Variants in CCN5 observed in about 807,000 individuals in gnomAD.
CCN5 encodes CCN family member 5.
Under a neutral mutation model 18.7 loss-of-function variants are expected in CCN5, and 17 were observed. The observed-to-expected ratio is 0.91, with a 90% CI of 0.62 to 1.36. The LOEUF (loss-of-function observed/expected upper bound fraction) is 1.36. CCN5 is among the 40% of genes most tolerant of loss of function. The probability of loss-of-function intolerance (pLI) is 0.00; values close to 1 mark genes in which losing one functional copy is unlikely to be tolerated. For synonymous variants in CCN5, 135 were observed against 145.2 expected (o/e 0.93, Z 0.50); for missense variants, 367 against 342.9 (o/e 1.07, Z -0.56).
At chr20:44,715,823 G>C (rs1412688158) in intron 1 of CCN5, among the ~76,000 whole-genome samples, 5 of 152,200 alleles carry the variant, frequency 3.3e-5, no homozygotes, top group Admixed American at 1.3e-4. Flanking sequence ...TGACATGCTT[G>C]GCCTAACTCT....
At chr20:44,715,586 C>A in intron 1 of CCN5, 136 bp downstream of exon 1, 5 of 951,852 alleles carry the variant, frequency 5.3e-6, no homozygotes, top group South Asian at 1.5e-5. Flanking sequence ...GGCCCCCATG[C>A]CTAAGCAGGG....
At chr20:44,727,036 A>C (rs779894221) in intron 3 of CCN5, 51 bp from the exon 4 acceptor site, 4 of 1,484,148 alleles carry the variant, frequency 2.7e-6, no homozygotes, top group Non-Finnish European at 3.6e-6. Flanking sequence ...GGGTTGATTG[A>C]GCTGCTGAGC....
At position 44,722,465 on chromosome 20, in the gene CCN5, CTTT is replaced by C. The variant is rs11341536; in HGVS notation, c.278-2255_278-2253del. ...TCTAGAGGTCTCTCTATCTCTCTCT[CTTT>C]TTTTTTTTTTTTTTTTTGAGATGGA... On this transcript the variant is annotated intron_variant, in intron 2 of 3. Transcript: ENST00000190983. 2.8e-4 allele frequency among the ~76,000 whole-genome samples: 30 copies of C among 106,728 alleles called. No homozygotes were observed. In the South Asian group the frequency reaches 2.9e-3, roughly 10 times the overall value. The allele number at this position is 106,728 out of a possible 152,430, so 70.0% of individuals were successfully genotyped here.
chr20:44,727,107 G>A lies in CCN5; in HGVS notation c.553G>A (p.Val185Ile). The A allele has an allele frequency of 6.3e-7, 1 of 1,597,534 alleles. No individual in the cohort carries two copies. Among genetic ancestry groups the A allele is most frequent in the East Asian group, 2.3e-5 (1 of 44,444 alleles). ...CCTAGGACCCCAGTTTTCTGGCCTT[G>A]TCTCTTCCCTGCCCCCTGGTGTCCC... is the stretch of plus-strand genomic sequence containing the variant. ...PAQGPQFSGLVSSLPPGVPCP... is the reference protein window; with the variant it reads ...PAQGPQFSGLISSLPPGVPCP... Residue 185 changes from valine to isoleucine, a missense_variant, in exon 4 of 4, where the codon GTC (valine) becomes ATC (isoleucine). Transcript: ENST00000190983.
At chr20:44,726,382 T>A (rs1230560900) in intron 3 of CCN5, among the ~76,000 whole-genome samples, 1 of 152,146 alleles carries the variant, frequency 6.6e-6, no homozygotes, top group African/African-American at 2.4e-5. Context: ...CACACACATG[T>A]GGGTAGAAAT....
intron 1 of CCN5, among the ~76,000 whole-genome samples, 155 bp downstream of exon 1, chr20:44,715,605 C>A (rs1284472867): frequency 6.6e-6 from 1 of 152,192 alleles, no homozygotes; most frequent in Admixed American, 6.5e-5. Flanking sequence ...GGCTTCTCTC[C>A]CTGGAACTCA....
chr20:44,722,905 A>G (rs2065909952), intron 2 of CCN5, among the ~76,000 whole-genome samples: 3 of 152,070 alleles, frequency 2.0e-5, no homozygotes, highest in Non-Finnish European at 1.5e-5. Context: ...CAGTAGCCCC[A>G]TAATCATCTC....
Position 44,720,099 on chromosome 20 carries a change from G to C in CCN5, c.263G>C (p.Gly88Ala), listed in dbSNP as rs374333782. The C allele has an allele frequency of 3.9e-6, 6 of 1,550,498 alleles. No homozygotes were observed. Among genetic ancestry groups the C allele is most frequent in the Non-Finnish European group, 5.2e-6 (6 of 1,154,318 alleles). The change falls in exon 2 of 4, where the codon GGG becomes GCG. Residue 88 changes from glycine to alanine, a missense_variant. By Grantham distance (60) the Gly-to-Ala change is moderately conservative. Coordinates refer to ENST00000190983, the MANE Select transcript of CCN5 (RefSeq NM_003881.4). ...CQPGAGPGGR[G>A]ALCLLAEDDS... ...CCCGGGGCAGGACCCGGTGGCCGGGGGGCCCTGTGCCTCTGTAAGCAGGTT... is the reference window on the plus strand; with the variant it reads ...CCCGGGGCAGGACCCGGTGGCCGGGCGGCCCTGTGCCTCTGTAAGCAGGTT...
chr20:44,715,972 C>T (rs533808330), intron 1 of CCN5, among the ~76,000 whole-genome samples: 3 of 152,308 alleles, frequency 2.0e-5, no homozygotes, highest in Non-Finnish European at 4.4e-5. Flanking sequence ...GGAGTAATGG[C>T]CTTATCCCTG....
intron 2 of CCN5, among the ~76,000 whole-genome samples, chr20:44,721,913 CAG>C (rs1173673164): frequency 6.6e-6 from 1 of 152,218 alleles, no homozygotes; most frequent in African/African-American, 2.4e-5. Context: ...GATTTGAACT[CAG>C]GGAGCTGGCT....
chr20:44,720,467 G>T, intron 2 of CCN5: 1 of 358,764 alleles, frequency 2.8e-6, no homozygotes, highest in South Asian at 3.4e-5. Flanking sequence ...CAACACTTTG[G>T]GGAAAATAAA....
At chr20:44,717,399 G>A (rs774388703) in intron 1 of CCN5, among the ~76,000 whole-genome samples, 38 of 152,174 alleles carry the variant, frequency 2.5e-4, no homozygotes, top group Non-Finnish European at 1.2e-4. Context: ...TCCACAGTGG[G>A]AGCCAAGGTG....
chr20:44,717,145 A>T (rs2065864992), intron 1 of CCN5, among the ~76,000 whole-genome samples: 1 of 152,146 alleles, frequency 6.6e-6, no homozygotes. Context: ...GTCAATCCTG[A>T]TTCTGTCTCT....
At chr20:44,719,772 C>A in intron 1 of CCN5, 125 bp from the exon 2 acceptor site, 1 of 977,470 alleles carries the variant, frequency 1.0e-6, no homozygotes, top group Non-Finnish European at 1.5e-6. Flanking sequence ...GAGGCCAGGT[C>A]TGCATGGCTC....
At chr20:44,725,307 G>A (rs929814118) in intron 3 of CCN5, among the ~76,000 whole-genome samples, 17 of 152,040 alleles carry the variant, frequency 1.1e-4, no homozygotes, top group Non-Finnish European at 1.6e-4. Flanking sequence ...GCATGGTGGC[G>A]GGCATCTGTA....
In CCN5 at chr20:44,727,282, G is replaced by A. The variant is rs773560216; in HGVS notation, c.728G>A (p.Arg243His). The change falls in exon 4 of 4, where the codon CGC becomes CAC. Residue 243 changes from arginine to histidine, a missense_variant. Physicochemically the swap from Arg to His is conservative, Grantham distance 29. Transcript: ENST00000190983. ...LSRPCPPSRG[R>H]SPQNSAF is the part of the protein sequence containing the mutation. Reference sequence around the variant, plus strand: ...AGGCCCTGCCCACCCTCCAGGGGTCGCAGTCCACAAAACAGTGCCTTCTAG... The same window carrying A: ...AGGCCCTGCCCACCCTCCAGGGGTCACAGTCCACAAAACAGTGCCTTCTAG... 30 of 1,612,468 alleles carry A rather than the reference G, an allele frequency of 1.9e-5. No individual in the cohort carries two copies. The East Asian group carries it at 3.1e-4, about 17-fold the overall frequency.
intron 2 of CCN5, among the ~76,000 whole-genome samples, chr20:44,722,639 G>T (rs1227101330): frequency 6.6e-6 from 1 of 151,766 alleles, no homozygotes; most frequent in African/African-American, 2.4e-5. Context: ...GCTAATTTTT[G>T]TATTTTAGTA....
Position 44,720,028 on chromosome 20 carries a change from C to T in CCN5, c.192C>T (p.Cys64=), listed in dbSNP as rs148940853. 1.8e-4 allele frequency: 281 copies of T among 1,604,608 alleles called. 1 individual carries two copies. The highest frequency in any genetic ancestry group is 2.1e-4 in the Non-Finnish European group (251 of 1,178,322). The change falls in exon 2 of 4, where the codon TGC becomes TGT. Residue 64 remains cysteine, a synonymous_variant. Transcript: ENST00000190983. Reference sequence around the variant, plus strand: ...GTGCACGGCGGCTGGGGGAGCCCTGCGACCAACTCCACGTCTGCGACGCCA... The same window carrying T: ...GTGCACGGCGGCTGGGGGAGCCCTGTGACCAACTCCACGTCTGCGACGCCA... ...RVCARRLGEP[C]DQLHVCDASQ...
intron 1 of CCN5, among the ~76,000 whole-genome samples, chr20:44,717,311 T>A (rs936639430): frequency 6.6e-6 from 1 of 152,074 alleles, no homozygotes; most frequent in Non-Finnish European, 1.5e-5. Flanking sequence ...ACTAGAATAG[T>A]TGATATCATT....
Sources: allele counts gnomAD v4.1 joint callset (sites outside exome capture counted in the v4.1 genomes callset), GRCh38; gene constraint gnomAD v4.1.1; transcripts MANE v1.5; gene names NCBI Gene and HGNC (gene_info 2026-07-23, HGNC 2026-07-21).